Variants in BCAM observed in about 807,000 individuals in gnomAD.
BCAM encodes basal cell adhesion molecule (Lutheran blood group), also known as basal cell adhesion molecule.
In BCAM, 61 loss-of-function variants were observed where a neutral mutation model predicts 72.4. The observed-to-expected ratio is 0.84, with a 90% confidence interval of 0.69 to 1.04. The LOEUF (loss-of-function observed/expected upper bound fraction) is 1.04. Among genes scored for constraint, BCAM ranks in the 50% least tolerant of loss-of-function variants. The pLI is 0.00. For synonymous variants in BCAM, 408 were observed against 384.2 expected, an observed-to-expected ratio of 1.06 and a Z score of -0.73; for missense variants, 909 against 895.0, an observed-to-expected ratio of 1.02 and a Z score of -0.20.
intron 13 of BCAM, chr19:44,820,316 A>G: frequency 1.9e-6 from 2 of 1,035,578 alleles, no homozygotes; most frequent in Non-Finnish European, 2.3e-6. Context: ...AACTTCACCC[A>G]TGTCCCCATC....
rs1968530655 is a variant in BCAM at position 44,818,527 on chromosome 19, G to C, written c.1084G>C (p.Asp362His). ...KTLELRVAYL[D>H]PLELSEGKVL... ...CAGACTGTCCCCCACTGCAGATCTG[G>C]ACCCCCTGGAGCTCAGCGAGGGGAA... The change falls in exon 9 of 15, where the codon GAC becomes CAC. Residue 362 changes from aspartate to histidine, a missense_variant. Asp to His is a moderately conservative substitution (Grantham distance 81). Transcript: ENST00000270233. This position sits in a 1 kb window ranked among gnomAD's most constrained non-coding sequence, Gnocchi z 4.6. 6.2e-7 allele frequency: 1 copy of C among 1,613,416 alleles called. No individual in the cohort carries two copies. Among genetic ancestry groups the C allele is most frequent in the East Asian group, 2.2e-5 (1 of 44,878 alleles).
At chr19:44,809,491 A>G (rs1306387005) in intron 1 of BCAM, among the ~76,000 whole-genome samples, 3 of 151,962 alleles carry the variant, frequency 2.0e-5, no homozygotes, top group Non-Finnish European at 4.4e-5. Flanking sequence ...CTCCTCCCTC[A>G]GACCCTGGAA....
chr19:44,810,022 G>A (rs866225686), intron 1 of BCAM, among the ~76,000 whole-genome samples: 2 of 152,142 alleles, frequency 1.3e-5, no homozygotes, highest in Non-Finnish European at 2.9e-5. Context: ...GACAGGCTGG[G>A]GCCAGAGGTG....
chr19:44,817,676 CT>C lies in BCAM; in HGVS notation c.1079-845del, dbSNP rs796687434. Among the ~76,000 whole-genome samples, 11 of 152,204 alleles carry C rather than the reference CT, an allele frequency of 7.2e-5. 1 individual carries two copies. The highest frequency in any genetic ancestry group is 2.6e-4 in the African/African-American group (11 of 41,540). On this transcript the variant is annotated intron_variant, in intron 8 of 14. Transcript: ENST00000270233. ...TCTCCTGCCTCAGCCTCCCAAGTAGCTGGGACTATAGGCATGCACCACTATG... is the reference window on the plus strand; with the variant it reads ...TCTCCTGCCTCAGCCTCCCAAGTAGCGGGACTATAGGCATGCACCACTATG...
chr19:44,820,338 C>A, intron 13 of BCAM: 1 of 1,062,816 alleles, frequency 9.4e-7, no homozygotes, highest in Non-Finnish European at 1.1e-6. Context: ...CCAATCTTGT[C>A]CCCATTCCTG....
Position 44,814,856 on chromosome 19 carries a change from A to G in BCAM, c.1078+96A>G, listed in dbSNP as rs1968482772. 1 of 1,326,594 alleles carries G rather than the reference A, an allele frequency of 7.5e-7. No individual in the cohort carries two copies. The highest frequency in any genetic ancestry group is 2.8e-5 in the Admixed American group (1 of 35,366). The allele number at this position is 1,326,594 out of a possible 1,614,324, so 82.2% of individuals were successfully genotyped here. A position where few individuals can be genotyped will look rare whatever the true frequency, so the allele number is the denominator to read the frequency against. On this transcript the variant is annotated intron_variant, in intron 8 of 14. Transcript: ENST00000270233. This position sits in a 1 kb window ranked among gnomAD's most constrained non-coding sequence, Gnocchi z 4.6. Reference sequence around the variant, plus strand: ...AGCCCTGAAGTTGCTCTGTCATCCCAAACACTCTGCCTTCAACCCTTTCTC... The same window carrying G: ...AGCCCTGAAGTTGCTCTGTCATCCCGAACACTCTGCCTTCAACCCTTTCTC...
chr19:44,818,111 T>C lies in BCAM; in HGVS notation c.1079-411T>C, dbSNP rs1599888362. On this transcript the variant is annotated intron_variant, in intron 8 of 14. Transcript: ENST00000270233. This position sits in a 1 kb window ranked among gnomAD's most constrained non-coding sequence, Gnocchi z 4.6. The stretch of plus-strand genomic sequence containing the variant: ...AGTTTGAGACCCAGCCTGGCCAACA[T>C]AGCAACACCTTGTCTCTATTCAAAA... 2.0e-5 allele frequency among the ~76,000 whole-genome samples: 3 copies of C among 152,294 alleles called. No individual in the cohort carries two copies. Among genetic ancestry groups the C allele is most frequent in the Non-Finnish European group, 1.5e-5 (1 of 68,020 alleles).
chr19:44,819,608 G>A lies in BCAM; in HGVS notation c.1645G>A (p.Val549Met). 1.2e-6 allele frequency: 2 copies of A among 1,613,488 alleles called. No homozygotes were observed. Among genetic ancestry groups the A allele is most frequent in the South Asian group, 1.1e-5 (1 of 91,050 alleles). The change falls in exon 13 of 15, where the codon GTG becomes ATG. Residue 549 changes from valine to methionine, a missense_variant. Physicochemically the swap from Val to Met is conservative, Grantham distance 21. Transcript: ENST00000270233. ...GAGCCCCCAGACCTCCCAGGCTGGAGTGGCCGTCATGGCCGTGGCCGTCAG... is the reference window on the plus strand; with the variant it reads ...GAGCCCCCAGACCTCCCAGGCTGGAATGGCCGTCATGGCCGTGGCCGTCAG... ...TVSPQTSQAGVAVMAVAVSVG... is the reference protein window; with the variant it reads ...TVSPQTSQAGMAVMAVAVSVG...
intron 13 of BCAM, chr19:44,820,138 C>G (rs1242152251): frequency 9.6e-7 from 1 of 1,036,800 alleles, no homozygotes; most frequent in Non-Finnish European, 1.2e-6. Context: ...CTCAACTAAG[C>G]TCCTCTCCAG....
rs780869569 is a variant in BCAM, at chr19:44,813,492, C to T, written c.656C>T (p.Thr219Ile). 1 of 1,612,662 alleles carries T rather than the reference C, an allele frequency of 6.2e-7. No individual in the cohort carries two copies. Among genetic ancestry groups the T allele is most frequent in the Non-Finnish European group, 8.5e-7 (1 of 1,179,916 alleles). ...VREASGLLSL[T>I]STLYLRLRKD... ...GAGGCCTCGGGCCTGCTCTCCCTCA[C>T]CAGCACCCTCTACCTGCGGCTCCGC... Residue 219 changes from threonine to isoleucine, a missense_variant, in exon 6 of 15, where the codon ACC becomes ATC. Thr to Ile is a moderately conservative substitution (Grantham distance 89). Coordinates refer to ENST00000270233, the MANE Select transcript of BCAM (RefSeq NM_005581.5). This position sits in a 1 kb window ranked among gnomAD's most constrained non-coding sequence, Gnocchi z 4.2.
chr19:44,814,763 G>C lies in BCAM; in HGVS notation c.1078+3G>C. The C allele has an allele frequency of 6.2e-7, 1 of 1,608,446 alleles. No individual in the cohort carries two copies. Among genetic ancestry groups the C allele is most frequent in the South Asian group, 1.1e-5 (1 of 90,850 alleles). Reference sequence around the variant, plus strand: ...GACGCTGGAGCTGCGCGTGGCCTGTGAGAGCCCTGGGTGAACGGGCGGGCA... The same window carrying C: ...GACGCTGGAGCTGCGCGTGGCCTGTCAGAGCCCTGGGTGAACGGGCGGGCA... On this transcript the variant is annotated splice_donor_region_variant and intron_variant, in intron 8 of 14. Coordinates refer to ENST00000270233, the MANE Select transcript of BCAM (RefSeq NM_005581.5). The surrounding 1 kb of genome is among the most constrained non-coding windows in gnomAD (Gnocchi z 4.6).
At position 44,814,235 on chromosome 19, in the gene BCAM, C is replaced by A; in HGVS notation, c.868C>A (p.Leu290Ile). 6.3e-7 allele frequency: 1 copy of A among 1,589,334 alleles called. No homozygotes were observed. ...WVREGDTVQL[L>I]CRGDGSPSPE... ...ACGCGAGGGTGACACTGTCCAGCTG[C>A]TCTGCCGGGGGGACGGCAGCCCCAG... Residue 290 changes from leucine (L) to isoleucine (I), a missense_variant, in exon 7 of 15, where the codon CTC becomes ATC. By Grantham distance (5) the Leu-to-Ile change is conservative. Coordinates refer to ENST00000270233, the MANE Select transcript of BCAM (RefSeq NM_005581.5). This position sits in a 1 kb window ranked among gnomAD's most constrained non-coding sequence, Gnocchi z 4.6.
At chr19:44,820,569 A>G (rs1336251505) in intron 13 of BCAM, 136 bp from the exon 14 acceptor site, 1 of 1,151,346 alleles carries the variant, frequency 8.7e-7, no homozygotes, top group Non-Finnish European at 1.1e-6. Context: ...TCCCTATGCC[A>G]TCCCCACCCA....
chr19:44,814,905 G>GTTTTTT lies in BCAM; in HGVS notation c.1078+147_1078+148insTTTTTT. 2 of 826,976 alleles carry GTTTTTT rather than the reference G, an allele frequency of 2.4e-6. No individual in the cohort carries two copies. Among genetic ancestry groups the GTTTTTT allele is most frequent in the Non-Finnish European group, 3.3e-6 (2 of 611,418 alleles). 51.2% of individuals were successfully genotyped at this position (826,976 alleles called of 1,614,324 possible). A position where few individuals can be genotyped will look rare whatever the true frequency, so the allele number is the denominator to read the frequency against. ...TCTGCATTTCTTGGGGGTTTTTTTG[G>GTTTTTT]TTGTTTTTTTTTTTTTTTTTTTCCC... On this transcript the variant is annotated intron_variant, in intron 8 of 14. Coordinates refer to ENST00000270233, the MANE Select transcript of BCAM (RefSeq NM_005581.5). The surrounding 1 kb of genome is among the most constrained non-coding windows in gnomAD (Gnocchi z 4.6).
intron 8 of BCAM, among the ~76,000 whole-genome samples, chr19:44,816,033 G>A (rs534538454): frequency 6.6e-6 from 1 of 151,478 alleles, no homozygotes; most frequent in South Asian, 2.1e-4. Context: ...AAATAAAAAA[G>A]TAGGCCGGGC....
At chr19:44,810,175 G>A (rs1329800561) in intron 1 of BCAM, among the ~76,000 whole-genome samples, 1 of 152,134 alleles carries the variant, frequency 6.6e-6, no homozygotes, top group Non-Finnish European at 1.5e-5. Context: ...CCCAGAGGGT[G>A]AGGGAGGGTG....
Position 44,812,944 on chromosome 19 carries a change from C to T in BCAM, c.505-306C>T, listed in dbSNP as rs544061890. ...CAGCCTGGGCCACAGAGCAATACTC[C>T]GTCTCAAAAAAAAAAAAAAAAAGAA... On this transcript the variant is annotated intron_variant, in intron 4 of 14. Coordinates refer to ENST00000270233, the MANE Select transcript of BCAM (RefSeq NM_005581.5). The surrounding 1 kb of genome is among the most constrained non-coding windows in gnomAD (Gnocchi z 5.3). 15 of 392,318 alleles carry T rather than the reference C, an allele frequency of 3.8e-5. No homozygotes were observed. Among genetic ancestry groups the T allele is most frequent in the Admixed American group, 9.1e-5 (2 of 22,008 alleles). The allele number at this position is 392,318 out of a possible 1,614,324, so 24.3% of individuals were successfully genotyped here.
intron 2 of BCAM, 187 bp from the exon 3 acceptor site, chr19:44,811,976 A>G: frequency 1.6e-6 from 1 of 630,142 alleles, no homozygotes; most frequent in African/African-American, 1.9e-5. Flanking sequence ...AGAAAAGGAG[A>G]CAGGAAAAAT....
In BCAM at chr19:44,812,737, G is replaced by A; in HGVS notation, c.504+189G>A. 1 of 634,946 alleles carries A rather than the reference G, an allele frequency of 1.6e-6. No individual in the cohort carries two copies. Among genetic ancestry groups the A allele is most frequent in the Non-Finnish European group, 2.7e-6 (1 of 372,566 alleles). The allele number at this position is 634,946 out of a possible 1,614,324, so 39.3% of individuals were successfully genotyped here. Reference sequence around the variant, plus strand: ...GGCAGAGGCAGGCGGATCACCTGAGGTCAGGAGTTCCAGACCAGCCTGGCC... The same window carrying A: ...GGCAGAGGCAGGCGGATCACCTGAGATCAGGAGTTCCAGACCAGCCTGGCC... On this transcript the variant is annotated intron_variant, in intron 4 of 14. Coordinates refer to ENST00000270233, the MANE Select transcript of BCAM (RefSeq NM_005581.5). This position sits in a 1 kb window ranked among gnomAD's most constrained non-coding sequence, Gnocchi z 5.3.
Sources: allele counts gnomAD v4.1 joint callset (sites outside exome capture counted in the v4.1 genomes callset), GRCh38; gene constraint gnomAD v4.1.1; non-coding constraint Gnocchi (gnomAD v3.1); transcripts MANE v1.5; gene names NCBI Gene and HGNC (gene_info 2026-07-23, HGNC 2026-07-21).